Variants in PHLPP2 observed in about 807,000 individuals in gnomAD.
PHLPP2 encodes PH domain leucine-rich repeat-containing protein phosphatase 2.
In PHLPP2, 66 loss-of-function variants were observed where a neutral mutation model predicts 124.9. The ratio of observed to expected loss-of-function variants is 0.53; its 90% CI spans 0.43 to 0.65. The LOEUF is 0.65. PHLPP2 is among the 30% of genes least tolerant of loss of function. The pLI, the probability that PHLPP2 is intolerant of heterozygous loss-of-function variation, is 0.00. For missense variants in PHLPP2, 1,685 were observed against 1,600.4 expected (o/e 1.05, Z -0.90); for synonymous variants, 681 against 624.7 (o/e 1.09, Z -1.34).
intron 3 of PHLPP2, among the ~76,000 whole-genome samples, chr16:71,699,868 A>C (rs1380650093): frequency 6.6e-6 from 1 of 152,216 alleles, no homozygotes; most frequent in African/African-American, 2.4e-5. Context: ...GTGCTAAAGC[A>C]GGCAGCCAGT....
rs78305506 is a variant in PHLPP2 at position 71,679,804 on chromosome 16, C to T, written c.891-269G>A. ...CCTTAAAAAGGAAGACAATCTTGGCCGGATGCAGTGGCTTATACCTGTAAT... is the reference window on the plus strand; with the variant it reads ...CCTTAAAAAGGAAGACAATCTTGGCTGGATGCAGTGGCTTATACCTGTAAT... On this transcript the variant is annotated intron_variant, in intron 6 of 18. Transcript: ENST00000568954. Among the ~76,000 whole-genome samples the T allele has an allele frequency of 9.9e-4, 150 of 152,206 alleles. 1 individual carries two copies. The highest frequency in any genetic ancestry group is 3.3e-3 in the African/African-American group (137 of 41,524).
chr16:71,702,723 T>C lies in PHLPP2; in HGVS notation c.293A>G (p.Glu98Gly). 1.2e-6 allele frequency: 2 copies of C among 1,602,442 alleles called. No homozygotes were observed. Among genetic ancestry groups the C allele is most frequent in the Non-Finnish European group, 1.7e-6 (2 of 1,172,288 alleles). ...GATCTGAAGAGGTCGTTCAGTAGGT[T>C]CCAGTCTCCTGATTACACAATTCAA... is the stretch of plus-strand genomic sequence containing the variant. ...QLHGDLVRRL[E>G]PTERPLQIVY... Residue 98 changes from glutamate to glycine, a missense_variant, in exon 3 of 19, where the codon GAA becomes GGA. Glu to Gly is a moderately conservative substitution (Grantham distance 98, BLOSUM62 -2). Coordinates refer to ENST00000568954, the MANE Select transcript of PHLPP2 (RefSeq NM_015020.3).
intron 3 of PHLPP2, among the ~76,000 whole-genome samples, chr16:71,699,161 T>C (rs1262522041): frequency 6.6e-6 from 1 of 152,172 alleles, no homozygotes; most frequent in East Asian, 1.9e-4. Context: ...ATGATAGTTT[T>C]GATAGAGACA....
chr16:71,706,921 T>A (rs1327432652), intron 2 of PHLPP2, among the ~76,000 whole-genome samples: 1 of 149,880 alleles, frequency 6.7e-6, no homozygotes, highest in East Asian at 2.0e-4. Flanking sequence ...TTAAGTCCAA[T>A]ATATCATGAT....
chr16:71,651,683 T>A (rs1354244772), intron 18 of PHLPP2, among the ~76,000 whole-genome samples: 7 of 152,212 alleles, frequency 4.6e-5, no homozygotes, highest in Non-Finnish European at 1.0e-4. Context: ...TTTGATTTTG[T>A]TTCCTTAGAT....
chr16:71,715,520 T>C (rs1020823531), intron 1 of PHLPP2: 1 of 146,118 alleles, frequency 6.8e-6, no homozygotes, highest in African/African-American at 2.6e-5. Context: ...TACTAAAAAA[T>C]ACAAAAAAAT....
intron 10 of PHLPP2, among the ~76,000 whole-genome samples, chr16:71,670,424 G>A (rs1424166516): frequency 6.6e-6 from 1 of 152,094 alleles, no homozygotes; most frequent in African/African-American, 2.4e-5. Flanking sequence ...GCTAGCCAAG[G>A]AAAAAGCATG....
At chr16:71,719,543 A>C (rs537908421) in intron 1 of PHLPP2, among the ~76,000 whole-genome samples, 1 of 152,188 alleles carries the variant, frequency 6.6e-6, no homozygotes, top group African/African-American at 2.4e-5. Flanking sequence ...ATCTCTCTAA[A>C]AAGTATCTTT....
At position 71,648,673 on chromosome 16, in the gene PHLPP2, G is replaced by A; in HGVS notation, c.*217C>T. 1 of 528,688 alleles carries A rather than the reference G, an allele frequency of 1.9e-6. No individual in the cohort carries two copies. 32.7% of individuals were successfully genotyped at this position (528,688 alleles called of 1,614,324 possible). A position where few individuals can be genotyped will look rare whatever the true frequency, so the allele number is the denominator to read the frequency against. On this transcript the variant is annotated 3_prime_UTR_variant, in exon 19 of 19. Coordinates refer to ENST00000568954, the MANE Select transcript of PHLPP2 (RefSeq NM_015020.3). ...TGTAATCCCAGCTACTCGGGAGGCT[G>A]AGACAGGAGAATGGCTTGAACCCAG...
At chr16:71,654,467 T>C (rs2044725447) in intron 17 of PHLPP2, among the ~76,000 whole-genome samples, 1 of 152,242 alleles carries the variant, frequency 6.6e-6, no homozygotes, top group Admixed American at 6.5e-5. Context: ...GATCTTTTCC[T>C]GGGCTAGTGA....
At chr16:71,654,503 T>C (rs1186688520) in intron 17 of PHLPP2, among the ~76,000 whole-genome samples, 1 of 152,246 alleles carries the variant, frequency 6.6e-6, no homozygotes, top group Non-Finnish European at 1.5e-5. Flanking sequence ...TCTCTCATGA[T>C]GCTGGGCAGA....
At chr16:71,654,488 G>A (rs978886353) in intron 17 of PHLPP2, among the ~76,000 whole-genome samples, 1 of 152,276 alleles carries the variant, frequency 6.6e-6, no homozygotes, top group African/African-American at 2.4e-5. Flanking sequence ...CATGTGGTAC[G>A]ATGTTCTCTC....
intron 9 of PHLPP2, 122 bp from the exon 10 acceptor site, chr16:71,672,444 G>A (rs2044903402): frequency 4.2e-6 from 3 of 718,272 alleles, no homozygotes; most frequent in Non-Finnish European, 7.2e-6. Context: ...CTACCAAGAT[G>A]AGCTAAAGAC....
intron 2 of PHLPP2, among the ~76,000 whole-genome samples, chr16:71,705,120 G>A (rs1170279619): frequency 6.6e-6 from 1 of 152,168 alleles, no homozygotes; most frequent in Non-Finnish European, 1.5e-5. Context: ...ACTGTTCAGA[G>A]AGACCTGGAG....
At chr16:71,655,525 G>A (rs919680041) in intron 16 of PHLPP2, 91 bp from the exon 17 acceptor site, 2 of 888,516 alleles carry the variant, frequency 2.3e-6, no homozygotes, top group African/African-American at 1.8e-5. Context: ...TTTTTTGAGA[G>A]GGAGTCTTGC....
chr16:71,671,423 T>C (rs896639263), intron 10 of PHLPP2, among the ~76,000 whole-genome samples: 2 of 151,928 alleles, frequency 1.3e-5, no homozygotes, highest in Non-Finnish European at 2.9e-5. Flanking sequence ...TCACAGCACT[T>C]AGGATGCTGC....
intron 5 of PHLPP2, among the ~76,000 whole-genome samples, chr16:71,683,020 G>C (rs2045017810): frequency 6.6e-6 from 1 of 151,924 alleles, no homozygotes. Flanking sequence ...AAAATACACA[G>C]ATTAGCTGGG....
intron 3 of PHLPP2, among the ~76,000 whole-genome samples, chr16:71,694,871 G>A (rs997103476): frequency 6.6e-6 from 1 of 151,848 alleles, no homozygotes; most frequent in Non-Finnish European, 1.5e-5. Flanking sequence ...TGCAAGCTCC[G>A]CCTTTTGGGT....
intron 3 of PHLPP2, among the ~76,000 whole-genome samples, chr16:71,698,203 A>T (rs1259368525): frequency 5.3e-5 from 8 of 152,168 alleles, no homozygotes; most frequent in Non-Finnish European, 1.2e-4. Context: ...GGAAGCCCTC[A>T]CAAGAGCAGG....
Sources: allele counts gnomAD v4.1 joint callset (sites outside exome capture counted in the v4.1 genomes callset), GRCh38; gene constraint gnomAD v4.1.1; transcripts MANE v1.5; gene names NCBI Gene and HGNC (gene_info 2026-07-23, HGNC 2026-07-21).